The following ANK3 variants were observed in gnomAD, a reference collection of about 807,000 sequenced individuals.
ANK3 encodes ankyrin 3.
ANK3 carries 57 observed loss-of-function variants against 370.9 expected under a neutral mutation model. The observed-to-expected ratio is 0.15, with a 90% confidence interval of 0.12 to 0.19. The LOEUF is 0.19. ANK3 is among the 10% of genes least tolerant of loss of function. The pLI is 1.00. For missense variants in ANK3, 4,439 were observed against 5,302.1 expected (o/e 0.84, Z 5.06); for synonymous variants, 1,929 against 1,946.3 (o/e 0.99, Z 0.23).
intron 23 of ANK3, among the ~76,000 whole-genome samples, chr10:60,160,170 C>T (rs536025859): frequency 0.013 from 862 of 64,736 alleles, 5 homozygotes; most frequent in Admixed American, 0.018. Context: ...ACCAGACTAA[C>T]TAAAAAAGAG....
At chr10:60,717,753 T>G (rs550004167) in intron 1 of ANK3, among the ~76,000 whole-genome samples, 2 of 152,326 alleles carry the variant, frequency 1.3e-5, no homozygotes, top group African/African-American at 4.8e-5. Flanking sequence ...GAAAACTATT[T>G]GTAATGAAAG....
chr10:60,433,468 TA>T (rs1484645583), intron 2 of ANK3, among the ~76,000 whole-genome samples: 1 of 152,096 alleles, frequency 6.6e-6, no homozygotes, highest in Admixed American at 6.6e-5. Context: ...GGTGCACAAC[TA>T]TAATCACAGC....
intron 1 of ANK3, among the ~76,000 whole-genome samples, chr10:60,363,593 G>A (rs2058961530): frequency 6.6e-6 from 1 of 152,182 alleles, no homozygotes; most frequent in South Asian, 2.1e-4. Context: ...AGTGTACAGG[G>A]CAACACTTCT....
chr10:60,082,463 A>G (rs924680307), intron 34 of ANK3, 152 bp downstream of exon 34: 30 of 1,070,488 alleles, frequency 2.8e-5, no homozygotes, highest in Non-Finnish European at 3.7e-5. Context: ...TTGACACCAC[A>G]TTAACAAGAC....
At position 60,487,073 on chromosome 10, in the gene ANK3, G is replaced by A. The variant is rs192226809; in HGVS notation, c.96+128113C>T. ...TTTGTTCCAAAAGTTAGAGCGATGA[G>A]CAATTAAAGGAAAAAAGAAACTTAA... On this transcript the variant is annotated intron_variant, in intron 2 of 43. Coordinates refer to the ANK3 transcript ENST00000373827. Among the ~76,000 whole-genome samples the A allele has an allele frequency of 1.8e-3, 267 of 152,166 alleles. 2 individuals are homozygous for A. Among genetic ancestry groups the A allele is most frequent in the African/African-American group, 6.1e-3 (255 of 41,530 alleles).
Position 60,068,741 on chromosome 10 carries a change from G to C in ANK3, c.12140C>G (p.Pro4047Arg). ...TCTAGCAGACTTCGTTGTAACCGAA[G>C]GCTGGCCACCCCGGGAAGTCTCGGA... The part of the protein sequence containing the change: ...SLSETSRGGQ[P>R]SVTTKSARDK... Residue 4047 changes from proline (P) to arginine (R), a missense_variant, in exon 37 of 44, where the codon CCT (proline) becomes CGT (arginine). By Grantham distance (103) the Pro-to-Arg change is moderately radical. This residue lies in a region of ANK3 where 496 missense variants were observed against 529.3 expected (regional missense o/e 0.94). Transcript: ENST00000280772. 6.2e-7 allele frequency: 1 copy of C among 1,614,158 alleles called. No individual in the cohort carries two copies. The highest frequency in any genetic ancestry group is 8.5e-7 in the Non-Finnish European group (1 of 1,180,010).
chr10:60,235,020 T>C (rs941816420), intron 7 of ANK3, among the ~76,000 whole-genome samples: 2 of 152,220 alleles, frequency 1.3e-5, no homozygotes, highest in Non-Finnish European at 2.9e-5. Context: ...TTTCAATCAC[T>C]TGAGGTGACT....
chr10:60,209,838 T>C (rs762075196), intron 9 of ANK3, among the ~76,000 whole-genome samples: 49 of 150,476 alleles, frequency 3.3e-4, no homozygotes, highest in Non-Finnish European at 6.4e-4. Flanking sequence ...TAGTGGAGAG[T>C]AAAAATGGGA....
intron 1 of ANK3, among the ~76,000 whole-genome samples, chr10:60,653,510 A>G (rs1206866313): frequency 6.6e-6 from 1 of 152,142 alleles, no homozygotes; most frequent in East Asian, 1.9e-4. Flanking sequence ...TGATGCATGT[A>G]TCTCTCCTTT....
chr10:60,660,516 G>A (rs1349697849), intron 1 of ANK3, among the ~76,000 whole-genome samples: 1 of 152,030 alleles, frequency 6.6e-6, no homozygotes, highest in East Asian at 1.9e-4. Context: ...TGCCCCTGTT[G>A]TCATTTCCCT....
At chr10:60,428,426 C>T (rs2063937753) in intron 2 of ANK3, among the ~76,000 whole-genome samples, 1 of 152,160 alleles carries the variant, frequency 6.6e-6, no homozygotes, top group Non-Finnish European at 1.5e-5. Flanking sequence ...AATTAGGACA[C>T]TATGAAGATT....
At chr10:60,369,048 A>G (rs2059769210) in intron 1 of ANK3, among the ~76,000 whole-genome samples, 1 of 152,178 alleles carries the variant, frequency 6.6e-6, no homozygotes, top group Admixed American at 6.5e-5. Context: ...CTGATTAACT[A>G]TACCCTTAGG....
chr10:60,271,451 C>T (rs557674283), intron 4 of ANK3, among the ~76,000 whole-genome samples: 70 of 152,252 alleles, frequency 4.6e-4, no homozygotes, highest in African/African-American at 1.7e-3. Context: ...AAGCCATCTG[C>T]CTGCCTTGGC....
Position 60,074,913 on chromosome 10 carries a change from T to A in ANK3, c.5968A>T (p.Ile1990Leu). The change falls in exon 37 of 44, where the codon ATA becomes TTA. Residue 1990 changes from isoleucine (I) to leucine (L), a missense_variant. Transcript: ENST00000280772. ...CGGATTTCTTCCGAACTAAATTCTA[T>A]CCAGTCATCTTCAGGAGAGTGTCCT... The part of the protein sequence containing the change: ...DKGHSPEDDW[I>L]EFSSEEIREA... 6.2e-7 allele frequency: 1 copy of A among 1,614,136 alleles called. No individual in the cohort carries two copies. Among genetic ancestry groups the A allele is most frequent in the Non-Finnish European group, 8.5e-7 (1 of 1,180,004 alleles).
At chr10:60,228,640 A>G (rs2097199703) in intron 8 of ANK3, among the ~76,000 whole-genome samples, 1 of 152,138 alleles carries the variant, frequency 6.6e-6, no homozygotes, top group African/African-American at 2.4e-5. Flanking sequence ...ACAAAACACT[A>G]ATAACTTCTT....
At chr10:60,295,129 G>GT (rs2042228995) in intron 1 of ANK3, among the ~76,000 whole-genome samples, 1 of 152,166 alleles carries the variant, frequency 6.6e-6, no homozygotes, top group South Asian at 2.1e-4. Flanking sequence ...TATGTGATAT[G>GT]TGTTTTCTAA....
At chr10:60,141,169 A>G (rs1055091588) in intron 23 of ANK3, among the ~76,000 whole-genome samples, 1 of 152,154 alleles carries the variant, frequency 6.6e-6, no homozygotes, top group African/African-American at 2.4e-5. Context: ...GCACTTTGCA[A>G]TACACTAATT....
intron 2 of ANK3, among the ~76,000 whole-genome samples, chr10:60,398,190 T>C (rs932510448): frequency 6.6e-6 from 1 of 152,226 alleles, no homozygotes; most frequent in African/African-American, 2.4e-5. Context: ...GTGAGTTTCA[T>C]ATAACTTTCA....
chr10:60,520,353 G>A (rs1219464058), intron 2 of ANK3, among the ~76,000 whole-genome samples: 6 of 151,974 alleles, frequency 3.9e-5, no homozygotes, highest in Admixed American at 3.3e-4. Flanking sequence ...GGGACAATTC[G>A]CATCCCAAAC....
Sources: gnomAD v4.1 joint callset for allele counts (sites outside exome capture counted in the v4.1 genomes callset) on GRCh38, gnomAD v4.1.1 for gene constraint, gnomAD v4.1.1 regional missense constraint, MANE v1.5 for transcripts, NCBI Gene and HGNC (gene_info 2026-07-23, HGNC 2026-07-21) for gene names.